Variants in ZNF468 observed in about 807,000 individuals in gnomAD.
The protein encoded by ZNF468 is zinc finger protein ZNF468.
ZNF468 carries 8 observed loss-of-function variants against 7.2 expected under a neutral mutation model. The ratio of observed to expected loss-of-function variants is 1.11; its 90% CI spans 0.65 to 2.01. ZNF468 has a LOEUF of 2.01. Among genes scored for constraint, ZNF468 ranks in the 30% most tolerant of loss-of-function variants. ZNF468 has a pLI of 0.00. For missense variants in ZNF468, 608 were observed against 626.5 expected (o/e 0.97, Z 0.31); for synonymous variants, 218 against 214.4 (o/e 1.02, Z -0.15).
intron 2 of ZNF468, among the ~76,000 whole-genome samples, chr19:52,850,418 T>C (rs1359390898): frequency 1.3e-5 from 2 of 152,124 alleles, no homozygotes; most frequent in East Asian, 1.9e-4. Flanking sequence ...CGTGTTGTCA[T>C]TCAGCCAATT....
intron 3 of ZNF468, among the ~76,000 whole-genome samples, chr19:52,847,745 C>G (rs569635989): frequency 3.3e-5 from 5 of 150,530 alleles, no homozygotes; most frequent in Admixed American, 1.3e-4. Context: ...AGACACAGTA[C>G]CTTTCCTTGA....
At position 52,841,178 on chromosome 19, in the gene ZNF468, G is replaced by C. The variant is rs1181645883; in HGVS notation, c.1116C>G (p.Arg372=). ...TCTCTCCAGTATGAAGTCTATGATGGCGTGCAAGGGTTGATAGTCGATTAA... is the reference window on the plus strand; with the variant it reads ...TCTCTCCAGTATGAAGTCTATGATGCCGTGCAAGGGTTGATAGTCGATTAA... ...KVFNRLSTLA[R]HHRLHTGEKP... The change falls in exon 4 of 4, where the codon CGC becomes CGG. Residue 372 remains arginine, a synonymous_variant. Coordinates refer to ENST00000595646, the MANE Select transcript of ZNF468 (RefSeq NM_001008801.2). 1 of 1,610,422 alleles carries C rather than the reference G, an allele frequency of 6.2e-7. No individual in the cohort carries two copies. Among genetic ancestry groups the C allele is most frequent in the Non-Finnish European group, 8.5e-7 (1 of 1,179,004 alleles).
intron 3 of ZNF468, 42 bp from the exon 4 acceptor site, chr19:52,842,193 A>C (rs1183062986): frequency 6.7e-7 from 1 of 1,484,722 alleles, no homozygotes; most frequent in Non-Finnish European, 9.1e-7. Context: ...TTAAGTACAG[A>C]CGGTATATAA....
chr19:52,849,275 T>C, intron 2 of ZNF468, 62 bp from the exon 3 acceptor site: 8 of 1,610,114 alleles, frequency 5.0e-6, no homozygotes, highest in African/African-American at 1.3e-5. Context: ...TTACAAAAAA[T>C]GAGAGGAGGA....
chr19:52,839,076 C>A lies in ZNF468; in HGVS notation c.*1649G>T, dbSNP rs1017826382. The A allele has an allele frequency of 2.0e-5, 3 of 152,468 alleles. No individual in the cohort carries two copies. Among genetic ancestry groups the A allele is most frequent in the African/African-American group, 7.3e-5 (3 of 41,358 alleles). 9.4% of individuals were successfully genotyped at this position (152,468 alleles called of 1,614,324 possible). ...GACCATTCTGGCTAACACGGTGAAA[C>A]CCAGTCTCTACTAAAAACACAAAAA... On this transcript the variant is annotated 3_prime_UTR_variant, in exon 4 of 4. Coordinates refer to ENST00000595646, the MANE Select transcript of ZNF468 (RefSeq NM_001008801.2).
At chr19:52,849,338 A>G in intron 2 of ZNF468, 125 bp from the exon 3 acceptor site, 1 of 1,543,890 alleles carries the variant, frequency 6.5e-7, no homozygotes, top group Non-Finnish European at 8.7e-7. Flanking sequence ...AAATCCAAAT[A>G]AGGGATTTCT....
intron 1 of ZNF468, among the ~76,000 whole-genome samples, chr19:52,854,622 T>G (rs2063420652): frequency 6.6e-6 from 1 of 152,158 alleles, no homozygotes; most frequent in East Asian, 1.9e-4. Context: ...GGTACGCATC[T>G]GTGTGTCTGT....
chr19:52,855,713 C>A (rs1053635235), intron 1 of ZNF468, among the ~76,000 whole-genome samples: 3 of 151,554 alleles, frequency 2.0e-5, no homozygotes, highest in Admixed American at 2.0e-4. Flanking sequence ...TTTTGGGGTA[C>A]TGCATCCCAC....
In ZNF468 at chr19:52,840,251, T is replaced by A. The variant is rs114019891; in HGVS notation, c.*474A>T. On this transcript the variant is annotated 3_prime_UTR_variant, in exon 4 of 4. Transcript: ENST00000595646. ...GTCTATGATGACTTGCAAGGTGTGATTGTTGATTAAAAACCATGTCACATT... is the reference window on the plus strand; with the variant it reads ...GTCTATGATGACTTGCAAGGTGTGAATGTTGATTAAAAACCATGTCACATT... 1.5e-3 allele frequency: 621 copies of A among 401,378 alleles called. 7 individuals carry two copies. Among genetic ancestry groups the A allele is most frequent in the African/African-American group, 0.012 (585 of 48,286 alleles). 24.9% of individuals were successfully genotyped at this position (401,378 alleles called of 1,614,324 possible). A position where few individuals can be genotyped will look rare whatever the true frequency, so the allele number is the denominator to read the frequency against.
chr19:52,845,949 G>A (rs1218251691), intron 3 of ZNF468, among the ~76,000 whole-genome samples: 5 of 147,854 alleles, frequency 3.4e-5, no homozygotes, highest in African/African-American at 1.3e-4. Context: ...TTTGGAGTGA[G>A]CTGAGATCGC....
At position 52,841,733 on chromosome 19, in the gene ZNF468, A is replaced by G. The variant is rs1322065853; in HGVS notation, c.561T>C (p.His187=). 1.5e-5 allele frequency: 25 copies of G among 1,613,950 alleles called. No homozygotes were observed. The highest frequency in any genetic ancestry group is 2.0e-5 in the Non-Finnish European group (24 of 1,180,016). ...SQRICCRPKT[H]ISNKYGNNSL... is the part of the protein sequence containing the mutation. ...AATTATTTCCATACTTATTAGAAAT[A>G]TGGGTTTTGGGCCTACAACAAATTC... is the stretch of plus-strand genomic sequence containing the variant. The change falls in exon 4 of 4, where the codon CAT becomes CAC. Residue 187 remains histidine, a synonymous_variant. Coordinates refer to ENST00000595646, the MANE Select transcript of ZNF468 (RefSeq NM_001008801.2).
chr19:52,845,556 G>C lies in ZNF468; in HGVS notation c.143-3405C>G, dbSNP rs375727140. Among the ~76,000 whole-genome samples, 43 of 152,200 alleles carry C rather than the reference G, an allele frequency of 2.8e-4. No homozygotes were observed. The South Asian group carries it at 3.7e-3, about 13-fold the overall frequency. On this transcript the variant is annotated intron_variant, in intron 3 of 3. Transcript: ENST00000595646. ...GGCCTGTAGTCGCAGCTACTGGAGA[G>C]GCTGAGGAAGGAGAACTGCTTGAAC...
At chr19:52,845,970 T>G (rs2063339197) in intron 3 of ZNF468, among the ~76,000 whole-genome samples, 1 of 152,106 alleles carries the variant, frequency 6.6e-6, no homozygotes, top group Non-Finnish European at 1.5e-5. Flanking sequence ...AGCATTGTAC[T>G]TCAGCCTGGG....
chr19:52,852,019 C>T (rs937056598), intron 2 of ZNF468, among the ~76,000 whole-genome samples: 3 of 151,986 alleles, frequency 2.0e-5, no homozygotes, highest in African/African-American at 7.3e-5. Context: ...AGAGGAATCT[C>T]GCCTTGGGGG....
chr19:52,841,602 T>C lies in ZNF468; in HGVS notation c.692A>G (p.Lys231Arg). ...TTCTAAGTGAATTATCTGATGTTTT[T>C]TTAAGAGTGAGCTGCAATTAAAGGA... ...FKSFNCSSLL[K>R]KHQIIHLEEK... is the part of the protein sequence containing the mutation. The change falls in exon 4 of 4, where the codon AAA (lysine) becomes AGA (arginine). Residue 231 changes from lysine (K) to arginine (R), a missense_variant. Coordinates refer to ENST00000595646, the MANE Select transcript of ZNF468 (RefSeq NM_001008801.2). The C allele has an allele frequency of 6.2e-7, 1 of 1,614,086 alleles. No individual in the cohort carries two copies. The highest frequency in any genetic ancestry group is 8.5e-7 in the Non-Finnish European group (1 of 1,179,994).
At chr19:52,856,679 G>A (rs1036815607) in intron 1 of ZNF468, among the ~76,000 whole-genome samples, 5 of 142,828 alleles carry the variant, frequency 3.5e-5, no homozygotes, top group Admixed American at 1.4e-4. Context: ...CCACATTTCT[G>A]CCCCTCTCCC....
chr19:52,852,200 T>C (rs1406089933), intron 2 of ZNF468, among the ~76,000 whole-genome samples: 1 of 151,432 alleles, frequency 6.6e-6, no homozygotes, highest in African/African-American at 2.4e-5. Flanking sequence ...ACTCTGTCTT[T>C]ACTAAAAATA....
In ZNF468 at chr19:52,840,400, C is replaced by G; in HGVS notation, c.*325G>C. On this transcript the variant is annotated 3_prime_UTR_variant, in exon 4 of 4. Transcript: ENST00000595646. ...CTCATTACACTTATAATGAGTTTCTCTCCAGTGTGAATTCTAGTATGTTTT... is the reference window on the plus strand; with the variant it reads ...CTCATTACACTTATAATGAGTTTCTGTCCAGTGTGAATTCTAGTATGTTTT... 2 of 549,064 alleles carry G rather than the reference C, an allele frequency of 3.6e-6. No homozygotes were observed. Among genetic ancestry groups the G allele is most frequent in the Non-Finnish European group, 6.7e-6 (2 of 296,504 alleles). The allele number at this position is 549,064 out of a possible 1,614,324, so 34.0% of individuals were successfully genotyped here.
rs769337126 is a variant in ZNF468 at position 52,840,665 on chromosome 19, T to A, written c.*60A>T. The stretch of plus-strand genomic sequence containing the variant: ...TTGTAAGGTTTCTCTCCAGTATGAA[T>A]TGCCTTATGACTTACAGGGTTGAAT... On this transcript the variant is annotated 3_prime_UTR_variant, in exon 4 of 4. Coordinates refer to ENST00000595646, the MANE Select transcript of ZNF468 (RefSeq NM_001008801.2). 2 of 1,608,728 alleles carry A rather than the reference T, an allele frequency of 1.2e-6. No individual in the cohort carries two copies. The highest frequency in any genetic ancestry group is 1.1e-5 in the South Asian group (1 of 90,902).
Sources: allele counts gnomAD v4.1 joint callset (sites outside exome capture counted in the v4.1 genomes callset), GRCh38; gene constraint gnomAD v4.1.1; transcripts MANE v1.5; gene names NCBI Gene and HGNC (gene_info 2026-07-23, HGNC 2026-07-21).